The following PCDHGB2 variants were observed in gnomAD, a reference collection of about 807,000 sequenced individuals.
PCDHGB2 encodes the protein protocadherin gamma subfamily B, 2.
In PCDHGB2, 55 loss-of-function variants were observed where a neutral mutation model predicts 59.3. The observed-to-expected ratio is 0.93, with a 90% CI of 0.75 to 1.16. The LOEUF (loss-of-function observed/expected upper bound fraction) is 1.16, where lower values mean the gene tolerates loss of function less well. Ranked by LOEUF, PCDHGB2 falls within the 50% of genes most tolerant of loss-of-function variation. PCDHGB2 has a pLI of 0.00. For missense variants in PCDHGB2, 1,228 were observed against 1,198.5 expected (o/e 1.02, Z -0.36); for synonymous variants, 516 against 512.0 (o/e 1.01, Z -0.11).
rs150858414 is a variant in PCDHGB2, at chr5:141,363,022, A to G, written c.2421+466A>G. ...GTTAATCACAGGGCATGGGTAGGACATTGTCCCATTGACTTGAAGACCAAC... is the reference window on the plus strand; with the variant it reads ...GTTAATCACAGGGCATGGGTAGGACGTTGTCCCATTGACTTGAAGACCAAC... On this transcript the variant is annotated intron_variant, in intron 1 of 3. Coordinates refer to ENST00000522605, the MANE Select transcript of PCDHGB2 (RefSeq NM_018923.3). Among the ~76,000 whole-genome samples the G allele has an allele frequency of 4.1e-3, 621 of 152,372 alleles. 7 individuals are homozygous for G. Among genetic ancestry groups the G allele is most frequent in the South Asian group, 0.03 (143 of 4,830 alleles).
Position 141,490,900 on chromosome 5 carries a change from G to A in PCDHGB2, c.2422-3907G>A, listed in dbSNP as rs2099705863. 2 of 1,613,796 alleles carry A rather than the reference G, an allele frequency of 1.2e-6. No individual in the cohort carries two copies. The highest frequency in any genetic ancestry group is 2.7e-5 in the African/African-American group (2 of 75,050). ...TGCCAACACATCTCTGCATGTGTTT[G>A]TCCTAGACGAGAATGATAATGCCCC... On this transcript the variant is annotated intron_variant, in intron 1 of 3. Transcript: ENST00000522605. The surrounding 1 kb of genome is among the most constrained non-coding windows in gnomAD (Gnocchi z 5.4).
intron 1 of PCDHGB2, among the ~76,000 whole-genome samples, chr5:141,474,193 A>C (rs2099345142): frequency 6.6e-6 from 1 of 152,256 alleles, no homozygotes. Context: ...TACATTTTTA[A>C]AAGCTGATTT....
Position 141,361,059 on chromosome 5 carries a change from T to A in PCDHGB2, c.924T>A (p.Asp308Glu). 6.2e-7 allele frequency: 1 copy of A among 1,613,844 alleles called. No homozygotes were observed. The highest frequency in any genetic ancestry group is 8.5e-7 in the Non-Finnish European group (1 of 1,179,796). The change falls in exon 1 of 4, where the codon GAT becomes GAA. Residue 308 changes from aspartate to glutamate, a missense_variant. Physicochemically the swap from Asp to Glu is conservative, Grantham distance 45. Coordinates refer to ENST00000522605, the MANE Select transcript of PCDHGB2 (RefSeq NM_018923.3). ...TGEITTKDDL[D>E]FEIASSYTLS... ...AAATCACGACAAAGGATGATTTGGATTTTGAGATTGCAAGTAGTTACACTC... is the reference window on the plus strand; with the variant it reads ...AAATCACGACAAAGGATGATTTGGAATTTGAGATTGCAAGTAGTTACACTC...
At position 141,485,677 on chromosome 5, in the gene PCDHGB2, C is replaced by T. The variant is rs757797282; in HGVS notation, c.2422-9130C>T. ...CAGATGTGGGGAGCAATTCGATTAG[C>T]AGCTATAGGCTGAGCTCCAATGAAC... On this transcript the variant is annotated intron_variant, in intron 1 of 3. Transcript: ENST00000522605. This position sits in a 1 kb window ranked among gnomAD's most constrained non-coding sequence, Gnocchi z 5.7. 2.4e-5 allele frequency: 38 copies of T among 1,612,714 alleles called. No individual in the cohort carries two copies. In the East Asian group the frequency reaches 7.8e-4, roughly 33 times the overall value.
intron 2 of PCDHGB2, among the ~76,000 whole-genome samples, chr5:141,500,259 A>G (rs1595658540): frequency 6.6e-6 from 1 of 151,044 alleles, no homozygotes; most frequent in East Asian, 2.0e-4. Context: ...CCCAGGCTGG[A>G]CTGCAGTGGC....
chr5:141,376,034 C>T, intron 1 of PCDHGB2: 1 of 1,613,128 alleles, frequency 6.2e-7, no homozygotes, highest in South Asian at 1.1e-5. Context: ...GGACCACGGC[C>T]AGCCCCCTCT....
At chr5:141,419,348 G>A (rs1195474899) in intron 1 of PCDHGB2, 1 of 1,613,816 alleles carries the variant, frequency 6.2e-7, no homozygotes, top group Non-Finnish European at 8.5e-7. Context: ...CAGCGACCTG[G>A]AGTCACGAAC....
intron 1 of PCDHGB2, chr5:141,427,909 C>G: frequency 6.3e-7 from 1 of 1,576,922 alleles, no homozygotes; most frequent in Non-Finnish European, 8.7e-7. Context: ...GCGCTCAGCG[C>G]CAACATGAGC....
chr5:141,441,656 C>A, intron 1 of PCDHGB2: 1 of 247,684 alleles, frequency 4.0e-6, no homozygotes, highest in Non-Finnish European at 8.1e-6. Flanking sequence ...TCTAGGTGTC[C>A]TTGAGCGCAC....
Position 141,511,409 on chromosome 5 carries a change from G to C in PCDHGB2, c.*236G>C, listed in dbSNP as rs999907393. On this transcript the variant is annotated 3_prime_UTR_variant, in exon 4 of 4. Coordinates refer to ENST00000522605, the MANE Select transcript of PCDHGB2 (RefSeq NM_018923.3). Reference sequence around the variant, plus strand: ...GGGAACCCCCATCCAATCAACTGCTGTACCCATGGGGGTAGTGGGGTTACT... The same window carrying C: ...GGGAACCCCCATCCAATCAACTGCTCTACCCATGGGGGTAGTGGGGTTACT... The C allele has an allele frequency of 1.1e-6, 1 of 908,516 alleles. No homozygotes were observed. The highest frequency in any genetic ancestry group is 1.7e-5 in the African/African-American group (1 of 59,504). The allele number at this position is 908,516 out of a possible 1,614,324, so 56.3% of individuals were successfully genotyped here.
intron 1 of PCDHGB2, among the ~76,000 whole-genome samples, chr5:141,434,848 C>T (rs1224972794): frequency 6.6e-6 from 1 of 151,786 alleles, no homozygotes; most frequent in Non-Finnish European, 1.5e-5. Context: ...AAGCAGACAT[C>T]AATAAATTTA....
Position 141,493,775 on chromosome 5 carries a change from G to A in PCDHGB2, c.2422-1032G>A, listed in dbSNP as rs1434978072. ...CCTTGAGTGAGCCACTGGCAGTTCCGGAGCTTCCTTCTCCCTGGAGTAATC... is the reference window on the plus strand; with the variant it reads ...CCTTGAGTGAGCCACTGGCAGTTCCAGAGCTTCCTTCTCCCTGGAGTAATC... On this transcript the variant is annotated intron_variant, in intron 1 of 3. Coordinates refer to ENST00000522605, the MANE Select transcript of PCDHGB2 (RefSeq NM_018923.3). The surrounding 1 kb of genome is among the most constrained non-coding windows in gnomAD (Gnocchi z 4.3). Among the ~76,000 whole-genome samples, 1 of 152,094 alleles carries A rather than the reference G, an allele frequency of 6.6e-6. No individual in the cohort carries two copies. The highest frequency in any genetic ancestry group is 6.5e-5 in the Admixed American group (1 of 15,272).
intron 1 of PCDHGB2, among the ~76,000 whole-genome samples, chr5:141,467,297 CT>C (rs1229166213): frequency 2.0e-5 from 3 of 152,182 alleles, no homozygotes; most frequent in African/African-American, 7.2e-5. Context: ...AAGTGATCCA[CT>C]CACCTCGGCC....
intron 1 of PCDHGB2, chr5:141,385,154 C>G (rs761681846): frequency 6.2e-7 from 1 of 1,614,208 alleles, no homozygotes; most frequent in Non-Finnish European, 8.5e-7. Flanking sequence ...TTCCTGCAGA[C>G]CTATTCCCAT....
intron 1 of PCDHGB2, among the ~76,000 whole-genome samples, chr5:141,386,574 G>A (rs2090626331): frequency 6.6e-6 from 1 of 151,752 alleles, no homozygotes; most frequent in African/African-American, 2.4e-5. Flanking sequence ...GATAGACTCT[G>A]TACAATAGTG....
chr5:141,402,871 A>G, intron 1 of PCDHGB2: 1 of 1,452,626 alleles, frequency 6.9e-7, no homozygotes, highest in Non-Finnish European at 9.1e-7. Context: ...AAAGATCACC[A>G]TACTTTGCAG....
intron 1 of PCDHGB2, chr5:141,426,739 GC>G (rs1345744337): frequency 8.8e-6 from 4 of 453,408 alleles, no homozygotes; most frequent in Non-Finnish European, 1.8e-5. Flanking sequence ...ATTCGGTTTG[GC>G]CTGGAATCTG....
intron 1 of PCDHGB2, chr5:141,393,788 G>A (rs2092844033): frequency 6.2e-7 from 1 of 1,613,938 alleles, no homozygotes. Context: ...AAGATGTGGG[G>A]GCACTTCTGG....
At chr5:141,392,719 C>T (rs1044889578) in intron 1 of PCDHGB2, 60 of 1,382,980 alleles carry the variant, frequency 4.3e-5, no homozygotes, top group African/African-American at 2.9e-5. Context: ...TCCAGGTTTC[C>T]GGAGGATTGT....
Sources: gnomAD v4.1 joint callset for allele counts (sites outside exome capture counted in the v4.1 genomes callset) on GRCh38, gnomAD v4.1.1 for gene constraint, Gnocchi (gnomAD v3.1) non-coding constraint, MANE v1.5 for transcripts, NCBI Gene and HGNC (gene_info 2026-07-23, HGNC 2026-07-21) for gene names.